B3GALT1: variants seen among roughly 807,000 people sequenced by gnomAD.
B3GALT1 encodes the protein beta-1,3-galactosyltransferase 1.
A neutral mutation model predicts 23.2 loss-of-function variants in B3GALT1; 10 were observed. The ratio of observed to expected loss-of-function variants is 0.43; its 90% CI spans 0.27 to 0.73. The LOEUF is 0.73. Ranked by LOEUF, B3GALT1 falls within the 30% of genes least tolerant of loss-of-function variation. The pLI, the probability that B3GALT1 is intolerant of heterozygous loss-of-function variation, is 0.21. For synonymous variants in B3GALT1, 156 were observed against 141.5 expected (o/e 1.10, Z -0.73); for missense variants, 299 against 405.4 (o/e 0.74, Z 2.25).
chr2:167,833,289 C>T (rs1323417711), intron 4 of B3GALT1, among the ~76,000 whole-genome samples: 7 of 152,146 alleles, frequency 4.6e-5, no homozygotes, highest in Non-Finnish European at 1.0e-4. Context: ...AATAAATATT[C>T]TTCCAAGCCC....
At chr2:167,774,492 T>TG (rs1558974762) in intron 3 of B3GALT1, among the ~76,000 whole-genome samples, 5 of 82,574 alleles carry the variant, frequency 6.1e-5, no homozygotes, top group Non-Finnish European at 1.0e-4. Flanking sequence ...TTTGTTTTTT[T>TG]TTTTGTTTTT....
At chr2:167,799,965 T>C (rs947231873) in intron 3 of B3GALT1, among the ~76,000 whole-genome samples, 18 of 126,814 alleles carry the variant, frequency 1.4e-4, no homozygotes, top group Admixed American at 1.3e-3. Context: ...TATACACTTA[T>C]GTATACACTT....
At chr2:167,730,786 C>G (rs1687398472) in intron 3 of B3GALT1, among the ~76,000 whole-genome samples, 1 of 152,106 alleles carries the variant, frequency 6.6e-6, no homozygotes, top group Non-Finnish European at 1.5e-5. Flanking sequence ...AGATTTTGGT[C>G]AGAAATATTT....
intron 3 of B3GALT1, among the ~76,000 whole-genome samples, chr2:167,780,791 A>T (rs1688233560): frequency 6.6e-6 from 1 of 152,212 alleles, no homozygotes; most frequent in South Asian, 2.1e-4. Flanking sequence ...ATGTTATTGT[A>T]TCTGACAGGC....
At chr2:167,355,917 A>G (rs566797049) in intron 1 of B3GALT1, among the ~76,000 whole-genome samples, 2 of 152,324 alleles carry the variant, frequency 1.3e-5, no homozygotes, top group Non-Finnish European at 2.9e-5. Context: ...CAAGGGTGGT[A>G]AGGATGGGAG....
intron 3 of B3GALT1, among the ~76,000 whole-genome samples, chr2:167,768,429 ATGGTAGGCCAAAAAAC>A (rs1688013556): frequency 6.6e-6 from 1 of 151,986 alleles, no homozygotes; most frequent in Admixed American, 6.6e-5. Flanking sequence ...GGTCTGAAAA[ATGGTAGGCCAAAAAAC>A]CTCCTTACTC....
intron 2 of B3GALT1, among the ~76,000 whole-genome samples, chr2:167,583,300 A>G (rs1684521510): frequency 6.6e-6 from 1 of 152,040 alleles, no homozygotes; most frequent in Non-Finnish European, 1.5e-5. Context: ...CCTCTTCATG[A>G]TGTAGCTGCA....
At chr2:167,744,287 TATTA>T (rs1472594169) in intron 3 of B3GALT1, among the ~76,000 whole-genome samples, 3 of 152,334 alleles carry the variant, frequency 2.0e-5, no homozygotes, top group African/African-American at 4.8e-5. Flanking sequence ...CTGCTTCATC[TATTA>T]ATTGAAAGGG....
At chr2:167,471,802 G>T (rs942685949) in intron 1 of B3GALT1, among the ~76,000 whole-genome samples, 1 of 152,080 alleles carries the variant, frequency 6.6e-6, no homozygotes, top group Admixed American at 6.6e-5. Flanking sequence ...GGCTTACATG[G>T]TCCATTAGTC....
chr2:167,536,342 TA>T, intron 2 of B3GALT1, among the ~76,000 whole-genome samples: 1 of 151,962 alleles, frequency 6.6e-6, no homozygotes, highest in East Asian at 1.9e-4. Flanking sequence ...GAAGAGGGAA[TA>T]AAAGAAAGAG....
At chr2:167,457,596 T>C (rs1042553283) in intron 1 of B3GALT1, among the ~76,000 whole-genome samples, 1 of 152,160 alleles carries the variant, frequency 6.6e-6, no homozygotes, top group Admixed American at 6.5e-5. Context: ...TTTTCCATAA[T>C]CCATCACCAA....
chr2:167,808,398 C>A (rs574559230), intron 3 of B3GALT1, among the ~76,000 whole-genome samples: 1 of 151,682 alleles, frequency 6.6e-6, no homozygotes, highest in South Asian at 2.1e-4. Context: ...TTCCTAGCCT[C>A]AATGGTCTTT....
intron 1 of B3GALT1, among the ~76,000 whole-genome samples, chr2:167,320,930 C>A (rs1359858619): frequency 6.6e-6 from 1 of 151,292 alleles, no homozygotes. Context: ...CCTCAAATAT[C>A]CTAAACATGA....
At chr2:167,317,877 C>T (rs1380474419) in intron 1 of B3GALT1, among the ~76,000 whole-genome samples, 1 of 151,976 alleles carries the variant, frequency 6.6e-6, no homozygotes, top group East Asian at 1.9e-4. Flanking sequence ...TAGATAAATT[C>T]CAACATGAGG....
intron 4 of B3GALT1, among the ~76,000 whole-genome samples, chr2:167,825,802 C>T (rs1689210905): frequency 6.6e-6 from 1 of 152,174 alleles, no homozygotes; most frequent in Non-Finnish European, 1.5e-5. Flanking sequence ...TGGCTCCACT[C>T]TTCTATCTCT....
At chr2:167,512,183 A>G (rs1462380648) in intron 2 of B3GALT1, among the ~76,000 whole-genome samples, 1 of 152,082 alleles carries the variant, frequency 6.6e-6, no homozygotes, top group East Asian at 1.9e-4. Flanking sequence ...CATTTCCAAC[A>G]TTAGCTGAAA....
Position 167,756,690 on chromosome 2 carries a change from G to A in B3GALT1, c.-351-61982G>A, listed in dbSNP as rs149055054. 1.8e-3 allele frequency among the ~76,000 whole-genome samples: 276 copies of A among 152,308 alleles called. 2 individuals carry two copies. Among genetic ancestry groups the A allele is most frequent in the Middle Eastern group, 6.8e-3 (2 of 294 alleles). ...TCTCACATCACCGCTTTCTGTTGATGTGTTTCAACCAGAGAACCTCTGCAG... is the reference window on the plus strand; with the variant it reads ...TCTCACATCACCGCTTTCTGTTGATATGTTTCAACCAGAGAACCTCTGCAG... On this transcript the variant is annotated intron_variant, in intron 3 of 4. Coordinates refer to ENST00000392690, the MANE Select transcript of B3GALT1 (RefSeq NM_020981.4).
intron 1 of B3GALT1, among the ~76,000 whole-genome samples, chr2:167,354,048 C>T (rs1559073271): frequency 6.6e-6 from 1 of 152,206 alleles, no homozygotes; most frequent in African/African-American, 2.4e-5. Flanking sequence ...TTTTGCCACA[C>T]TGACTCACCT....
chr2:167,487,929 G>C (rs1444582196), intron 1 of B3GALT1, among the ~76,000 whole-genome samples: 2 of 152,132 alleles, frequency 1.3e-5, no homozygotes, highest in African/African-American at 4.8e-5. Flanking sequence ...AGATGCACCT[G>C]TCTTCCCAGC....
Sources: allele counts gnomAD v4.1 joint callset (sites outside exome capture counted in the v4.1 genomes callset), GRCh38; gene constraint gnomAD v4.1.1; transcripts MANE v1.5; gene names NCBI Gene and HGNC (gene_info 2026-07-23, HGNC 2026-07-21).